MYO7B: variants seen among roughly 807,000 people sequenced by gnomAD.
MYO7B encodes the protein unconventional myosin-VIIb.
In MYO7B, 212 loss-of-function variants were observed where a neutral mutation model predicts 259.7. The ratio of observed to expected loss-of-function variants is 0.82; its 90% CI spans 0.73 to 0.91. The LOEUF (loss-of-function observed/expected upper bound fraction) is 0.91. Among genes scored for constraint, MYO7B ranks in the 40% least tolerant of loss-of-function variants. The pLI, the probability that MYO7B is intolerant of heterozygous loss-of-function variation, is 0.00. For missense variants in MYO7B, 2,732 were observed against 2,813.5 expected (o/e 0.97, Z 0.66); for synonymous variants, 1,197 against 1,166.4 (o/e 1.03, Z -0.54).
In MYO7B at chr2:127,605,875, G is replaced by A. The variant is rs753140384; in HGVS notation, c.2371G>A (p.Val791Met). 8 of 1,613,798 alleles carry A rather than the reference G, an allele frequency of 5.0e-6. No individual in the cohort carries two copies. In the Middle Eastern group the frequency reaches 4.9e-4, roughly 100 times the overall value. The change falls in exon 20 of 48, where the codon GTG (valine) becomes ATG (methionine). Residue 791 changes from valine (V) to methionine (M), a missense_variant. Transcript: ENST00000409816. The part of the protein sequence containing the change: ...KEFLRQRRAA[V>M]TLQAWWRGYC... ...GTTCCTGAGGCAGAGGCGGGCAGCTGTGACCCTGCAGGCCTGGTGGAGAGG... is the reference window on the plus strand; with the variant it reads ...GTTCCTGAGGCAGAGGCGGGCAGCTATGACCCTGCAGGCCTGGTGGAGAGG...
intron 9 of MYO7B, among the ~76,000 whole-genome samples, chr2:127,579,778 G>A (rs1179749389): frequency 2.0e-5 from 3 of 152,132 alleles, no homozygotes; most frequent in Non-Finnish European, 4.4e-5. Context: ...TAAAGATGGG[G>A]TTTCACCATA....
In MYO7B at chr2:127,624,198, A is replaced by G. The variant is rs116176015; in HGVS notation, c.3925A>G (p.Ile1309Val). 3.3e-3 allele frequency: 5,336 copies of G among 1,597,444 alleles called. 160 individuals are homozygous for G. The African/African-American group carries it at 0.062, about 19-fold the overall frequency. ...GESQRQSPWRIYFRKEFFTPW... is the reference protein window; with the variant it reads ...GESQRQSPWRVYFRKEFFTPW... ...GAGCCAGCGCCAGTCACCCTGGCGCATCTACTTCCGGAAGGAATTCTTCAC... is the reference window on the plus strand; with the variant it reads ...GAGCCAGCGCCAGTCACCCTGGCGCGTCTACTTCCGGAAGGAATTCTTCAC... Residue 1309 changes from isoleucine to valine, a missense_variant, in exon 30 of 48, where the codon ATC (isoleucine) becomes GTC (valine). By Grantham distance (29) the Ile-to-Val change is conservative (BLOSUM62 3). Around this residue, in one of 3 missense-constraint regions of MYO7B, gnomAD observed 1,906 missense variants for 2,026.4 expected, o/e 0.94. Transcript: ENST00000409816.
chr2:127,635,787 C>G lies in MYO7B; in HGVS notation c.5886C>G (p.Gly1962=). ...CSREDAIHLA[G]LIYKAQFNND... Reference sequence around the variant, plus strand: ...GGGAGGATGCCATCCACCTGGCGGGCCTCATCTACAAGGCCCAGTTCAACA... The same window carrying G: ...GGGAGGATGCCATCCACCTGGCGGGGCTCATCTACAAGGCCCAGTTCAACA... The change falls in exon 44 of 48, where the codon GGC becomes GGG. Residue 1962 remains glycine, a synonymous_variant. Transcript: ENST00000409816. 6.3e-7 allele frequency: 1 copy of G among 1,597,794 alleles called. No homozygotes were observed. The highest frequency in any genetic ancestry group is 1.7e-4 in the Middle Eastern group (1 of 6,050).
chr2:127,591,084 G>A (rs1679539661), intron 16 of MYO7B, among the ~76,000 whole-genome samples: 1 of 152,206 alleles, frequency 6.6e-6, no homozygotes, highest in African/African-American at 2.4e-5. Context: ...AGCTACTCAG[G>A]AGGCTGAGGG....
chr2:127,627,051 C>T lies in MYO7B; in HGVS notation c.4292C>T (p.Pro1431Leu), dbSNP rs762488567. 9.9e-6 allele frequency: 16 copies of T among 1,612,038 alleles called. No individual in the cohort carries two copies. Among genetic ancestry groups the T allele is most frequent in the Middle Eastern group, 1.6e-4 (1 of 6,082 alleles). ...GTGGACGCCGCCCGCCTGCAGTGGCCGCTGCTCTTCTCCCGGCTCTTCGAA... is the reference window on the plus strand; with the variant it reads ...GTGGACGCCGCCCGCCTGCAGTGGCTGCTGCTCTTCTCCCGGCTCTTCGAA... ...QVVDAARLQWPLLFSRLFEVI... is the reference protein window; with the variant it reads ...QVVDAARLQWLLLFSRLFEVI... Residue 1431 changes from proline to leucine, a missense_variant, in exon 32 of 48, where the codon CCG becomes CTG. Physicochemically the swap from Pro to Leu is moderately conservative, Grantham distance 98. Coordinates refer to ENST00000409816, the MANE Select transcript of MYO7B (RefSeq NM_001393586.1). The surrounding 1 kb of genome is among the most constrained non-coding windows in gnomAD (Gnocchi z 5.6).
At chr2:127,591,065 T>C (rs1410231236) in intron 16 of MYO7B, among the ~76,000 whole-genome samples, 2 of 152,202 alleles carry the variant, frequency 1.3e-5, no homozygotes, top group Non-Finnish European at 2.9e-5. Context: ...GGTATGTGCC[T>C]GTAGTCTCAG....
chr2:127,576,780 C>A lies in MYO7B; in HGVS notation c.849+72C>A. The A allele has an allele frequency of 8.8e-7, 1 of 1,130,308 alleles. No homozygotes were observed. Among genetic ancestry groups the A allele is most frequent in the Non-Finnish European group, 1.3e-6 (1 of 783,298 alleles). 70.0% of individuals were successfully genotyped at this position (1,130,308 alleles called of 1,614,324 possible). ...AAAAGAGCTTGTGCCGCTCCACCCT[C>A]CGCGACAGCTGCAGAGAAGCCCAAC... is the stretch of plus-strand genomic sequence containing the variant. On this transcript the variant is annotated intron_variant, in intron 8 of 47. Transcript: ENST00000409816. This position sits in a 1 kb window ranked among gnomAD's most constrained non-coding sequence, Gnocchi z 4.9.
intron 12 of MYO7B, 141 bp downstream of exon 12, chr2:127,582,587 G>A (rs747155805): frequency 1.2e-5 from 12 of 1,028,252 alleles, no homozygotes; most frequent in Non-Finnish European, 1.7e-5. Context: ...TGCTCTGCAT[G>A]GGGTGGCTGC....
In MYO7B at chr2:127,612,560, G is replaced by A; in HGVS notation, c.3355G>A (p.Val1119Met). The A allele has an allele frequency of 1.2e-6, 2 of 1,604,484 alleles. No individual in the cohort carries two copies. The highest frequency in any genetic ancestry group is 1.1e-5 in the South Asian group (1 of 88,762). The change falls in exon 26 of 48, where the codon GTG becomes ATG. Residue 1119 changes from valine (V) to methionine (M), a missense_variant. By Grantham distance (21) the Val-to-Met change is conservative. This residue lies in a region of MYO7B where 1,906 missense variants were observed against 2,026.4 expected (regional missense o/e 0.94). Transcript: ENST00000409816. ...CCGGCCCATGTCCAACCTGGAGAAGGTGCACTTCATCGTGGGCTACGCCAT... is the reference window on the plus strand; with the variant it reads ...CCGGCCCATGTCCAACCTGGAGAAGATGCACTTCATCGTGGGCTACGCCAT... ...ADRPMSNLEKVHFIVGYAILR... is the reference protein window; with the variant it reads ...ADRPMSNLEKMHFIVGYAILR...
rs965497123 is a variant in MYO7B, at chr2:127,609,434, T to C, written c.2815-72T>C. 32 of 1,419,976 alleles carry C rather than the reference T, an allele frequency of 2.3e-5. No individual in the cohort carries two copies. The highest frequency in any genetic ancestry group is 3.0e-5 in the Non-Finnish European group (31 of 1,028,432). The allele number at this position is 1,419,976 out of a possible 1,614,324, so 88.0% of individuals were successfully genotyped here. A position where few individuals can be genotyped will look rare whatever the true frequency, so the allele number is the denominator to read the frequency against. ...ACAGCCCCCGTGCTGCCCGGCCTGC[T>C]GGACAGTCAGCTGATGGGTTGGTTG... is the stretch of plus-strand genomic sequence containing the variant. On this transcript the variant is annotated intron_variant, in intron 22 of 47. Transcript: ENST00000409816. This position sits in a 1 kb window ranked among gnomAD's most constrained non-coding sequence, Gnocchi z 6.9.
chr2:127,600,659 A>G (rs1326211484), intron 19 of MYO7B, among the ~76,000 whole-genome samples: 1 of 152,226 alleles, frequency 6.6e-6, no homozygotes, highest in Non-Finnish European at 1.5e-5. Context: ...GCAGTGAGCC[A>G]AGATTGTGCC....
At chr2:127,572,349 G>A (rs555404613) in intron 6 of MYO7B, among the ~76,000 whole-genome samples, 3 of 145,410 alleles carry the variant, frequency 2.1e-5, no homozygotes, top group East Asian at 4.2e-4. Context: ...AACGCAGGAG[G>A]CAAAGTTTGC....
At chr2:127,542,701 C>T (rs942891096) in intron 1 of MYO7B, among the ~76,000 whole-genome samples, 16 of 152,202 alleles carry the variant, frequency 1.1e-4, no homozygotes, top group African/African-American at 3.9e-4. Flanking sequence ...GACCGGTGCT[C>T]AGCATATGGA....
intron 12 of MYO7B, 23 bp downstream of exon 12, chr2:127,582,469 C>T: frequency 6.2e-7 from 1 of 1,609,670 alleles, no homozygotes; most frequent in South Asian, 1.1e-5. Flanking sequence ...CAGATCCCAG[C>T]CCCACTGCTT....
intron 3 of MYO7B, 50 bp from the exon 4 acceptor site, chr2:127,565,183 C>A: frequency 6.3e-7 from 1 of 1,577,528 alleles, no homozygotes; most frequent in Admixed American, 1.8e-5. Context: ...GGCAGGCTGG[C>A]CATGGGGATG....
In MYO7B at chr2:127,607,788, G is replaced by A. The variant is rs1230672305; in HGVS notation, c.2643+364G>A. On this transcript the variant is annotated intron_variant, in intron 21 of 47. Transcript: ENST00000409816. This position sits in a 1 kb window ranked among gnomAD's most constrained non-coding sequence, Gnocchi z 4.4. Reference sequence around the variant, plus strand: ...GGAGAGGCAGCAGGTCAATGGGACAGCCTTAGCCTTGAACCTGGAAGGTGA... The same window carrying A: ...GGAGAGGCAGCAGGTCAATGGGACAACCTTAGCCTTGAACCTGGAAGGTGA... Among the ~76,000 whole-genome samples, 1 of 152,204 alleles carries A rather than the reference G, an allele frequency of 6.6e-6. No individual in the cohort carries two copies. The highest frequency in any genetic ancestry group is 1.5e-5 in the Non-Finnish European group (1 of 68,044).
In MYO7B at chr2:127,580,709, C is replaced by G. The variant is rs368357453; in HGVS notation, c.1004-37C>G. ...GGGACCTTGCTCCCATCGCTCCAGG[C>G]TGCTTTCCAACTCAGCATTCCTGCT... On this transcript the variant is annotated intron_variant, in intron 9 of 47. Transcript: ENST00000409816. 7.2e-5 allele frequency: 114 copies of G among 1,586,578 alleles called. 1 individual carries two copies. The African/African-American group carries it at 1.4e-3, about 20-fold the overall frequency.
intron 39 of MYO7B, 40 bp from the exon 40 acceptor site, chr2:127,633,218 G>A: frequency 6.7e-7 from 1 of 1,497,092 alleles, no homozygotes; most frequent in Non-Finnish European, 9.2e-7. Flanking sequence ...GTGAGGATGA[G>A]GGTGGGGGTG....
Position 127,627,935 on chromosome 2 carries a change from T to G in MYO7B, c.4461-437T>G. 1 of 460,776 alleles carries G rather than the reference T, an allele frequency of 2.2e-6. No individual in the cohort carries two copies. The highest frequency in any genetic ancestry group is 4.3e-6 in the Non-Finnish European group (1 of 230,024). 28.5% of individuals were successfully genotyped at this position (460,776 alleles called of 1,614,324 possible). A position where few individuals can be genotyped will look rare whatever the true frequency, so the allele number is the denominator to read the frequency against. ...CCCACTGGCCACCTCTCACTGAGGC[T>G]GACCATGCTGGGCACTTTCCTGTAT... On this transcript the variant is annotated intron_variant, in intron 33 of 47. Coordinates refer to ENST00000409816, the MANE Select transcript of MYO7B (RefSeq NM_001393586.1). The surrounding 1 kb of genome is among the most constrained non-coding windows in gnomAD (Gnocchi z 5.6).
Sources: gnomAD v4.1 joint callset for allele counts (sites outside exome capture counted in the v4.1 genomes callset) on GRCh38, gnomAD v4.1.1 for gene constraint, gnomAD v4.1.1 regional missense constraint, Gnocchi (gnomAD v3.1) non-coding constraint, MANE v1.5 for transcripts, NCBI Gene and HGNC (gene_info 2026-07-23, HGNC 2026-07-21) for gene names.